Variants in SPAG16 observed in about 807,000 individuals in gnomAD.
SPAG16 encodes the protein sperm associated antigen 16, also known as sperm-associated antigen 16 protein.
A neutral mutation model predicts 80.4 loss-of-function variants in SPAG16; 86 were observed. That is an observed-to-expected ratio of 1.07 (90% CI 0.90 to 1.28). The LOEUF (loss-of-function observed/expected upper bound fraction) is 1.28, where lower values mean the gene tolerates loss of function less well. Among genes scored for constraint, SPAG16 ranks in the 50% most tolerant of loss-of-function variants. The probability of loss-of-function intolerance (pLI) is 0.00; values close to 1 mark genes in which losing one functional copy is unlikely to be tolerated. For missense variants in SPAG16, 870 were observed against 765.3 expected, an observed-to-expected ratio of 1.14 and a Z score of -1.61; for synonymous variants, 294 against 265.9, an observed-to-expected ratio of 1.11 and a Z score of -1.03.
At chr2:214,064,174 C>T (rs1166777797) in intron 13 of SPAG16, among the ~76,000 whole-genome samples, 1 of 151,898 alleles carries the variant, frequency 6.6e-6, no homozygotes, top group African/African-American at 2.4e-5. Flanking sequence ...ATTGAGATGA[C>T]ATATCATGTT....
At chr2:214,176,373 T>C (rs1164616525) in intron 15 of SPAG16, among the ~76,000 whole-genome samples, 1 of 151,286 alleles carries the variant, frequency 6.6e-6, no homozygotes, top group Non-Finnish European at 1.5e-5. Context: ...GATATACCTG[T>C]AGAATATCAT....
At chr2:213,869,287 A>ACACT (rs1553648806) in intron 11 of SPAG16, among the ~76,000 whole-genome samples, 1 of 118,548 alleles carries the variant, frequency 8.4e-6, no homozygotes, top group Non-Finnish European at 1.9e-5. Flanking sequence ...ATATGTATAT[A>ACACT]TATATGTATA....
chr2:214,131,243 C>T (rs960925852), intron 14 of SPAG16, among the ~76,000 whole-genome samples: 1 of 151,896 alleles, frequency 6.6e-6, no homozygotes, highest in Non-Finnish European at 1.5e-5. Context: ...TTGGCATGCA[C>T]CTGTGGTCCT....
At chr2:213,802,637 A>T (rs1395292749) in intron 10 of SPAG16, among the ~76,000 whole-genome samples, 1 of 152,188 alleles carries the variant, frequency 6.6e-6, no homozygotes, top group African/African-American at 2.4e-5. Context: ...GTACCAAATG[A>T]ACCAACATCT....
At chr2:214,050,131 C>T (rs114174725) in intron 13 of SPAG16, among the ~76,000 whole-genome samples, 1 of 151,742 alleles carries the variant, frequency 6.6e-6, no homozygotes, top group East Asian at 1.9e-4. Flanking sequence ...TGGGAAGAGG[C>T]GAGAAGTGAA....
intron 15 of SPAG16, among the ~76,000 whole-genome samples, chr2:214,210,278 CA>C (rs35253771): frequency 0.3 from 45,235 of 151,748 alleles, 8,411 homozygotes; most frequent in Non-Finnish European, 0.41. Flanking sequence ...TCCACTTATA[CA>C]TGGATTTTTT....
chr2:213,543,625 AT>A (rs1029027236), intron 10 of SPAG16, among the ~76,000 whole-genome samples: 10 of 151,816 alleles, frequency 6.6e-5, no homozygotes, highest in Non-Finnish European at 1.5e-5. Flanking sequence ...CATATTGGTA[AT>A]TTTCCGAGAT....
At chr2:213,403,866 A>G (rs557524799) in intron 9 of SPAG16, among the ~76,000 whole-genome samples, 1 of 152,326 alleles carries the variant, frequency 6.6e-6, no homozygotes, top group Admixed American at 6.5e-5. Context: ...AAGTCTCAGG[A>G]TACAAAATCA....
At chr2:214,334,476 T>C (rs1235548730) in intron 15 of SPAG16, among the ~76,000 whole-genome samples, 2 of 152,202 alleles carry the variant, frequency 1.3e-5, no homozygotes, top group Non-Finnish European at 2.9e-5. Context: ...GAATTTGGCA[T>C]AGCAAATTTT....
At chr2:214,218,064 T>C (rs1278010165) in intron 15 of SPAG16, among the ~76,000 whole-genome samples, 1 of 152,228 alleles carries the variant, frequency 6.6e-6, no homozygotes, top group East Asian at 1.9e-4. Context: ...AAATGTTTTA[T>C]GGAAATCTAC....
chr2:214,094,145 A>T (rs1372295426), intron 13 of SPAG16, among the ~76,000 whole-genome samples: 1 of 152,164 alleles, frequency 6.6e-6, no homozygotes. Context: ...TTGAGTTGGT[A>T]GCTTGAAATT....
chr2:213,761,645 A>G (rs1013298643), intron 10 of SPAG16, among the ~76,000 whole-genome samples: 6 of 152,192 alleles, frequency 3.9e-5, no homozygotes, highest in Admixed American at 1.3e-4. Context: ...GTGGATCACG[A>G]GATCAGGAGA....
intron 6 of SPAG16, among the ~76,000 whole-genome samples, chr2:213,348,495 T>C (rs2065129969): frequency 1.3e-5 from 2 of 152,242 alleles, no homozygotes; most frequent in African/African-American, 2.4e-5. Context: ...CAAGTTGGCA[T>C]GTTTTTGCAG....
chr2:213,334,250 A>G (rs971698011), intron 5 of SPAG16, among the ~76,000 whole-genome samples: 1 of 152,206 alleles, frequency 6.6e-6, no homozygotes, highest in Non-Finnish European at 1.5e-5. Flanking sequence ...AGTCAAAACT[A>G]TGATGAGCTG....
chr2:213,729,535 T>G (rs971168530), intron 10 of SPAG16, among the ~76,000 whole-genome samples: 2 of 152,024 alleles, frequency 1.3e-5, no homozygotes, highest in African/African-American at 4.8e-5. Context: ...CATCAAGGAG[T>G]CTTATCAGGT....
chr2:213,982,064 TG>T (rs753745701), intron 12 of SPAG16, among the ~76,000 whole-genome samples: 18 of 151,804 alleles, frequency 1.2e-4, no homozygotes, highest in East Asian at 9.6e-4. Flanking sequence ...ATAGATGAAC[TG>T]TAACAAATAT....
chr2:214,045,071 A>G (rs918062595), intron 13 of SPAG16, among the ~76,000 whole-genome samples: 2 of 152,182 alleles, frequency 1.3e-5, no homozygotes, highest in Admixed American at 6.5e-5. Context: ...GTGGTAAGCG[A>G]GTGCTTATGC....
chr2:214,263,124 T>TTAAC (rs1691299739), intron 15 of SPAG16, among the ~76,000 whole-genome samples: 2 of 152,164 alleles, frequency 1.3e-5, no homozygotes, highest in Admixed American at 6.5e-5. Context: ...TGCTTTACTA[T>TTAAC]TAACTACAGT....
At chr2:213,362,348 C>T (rs2066029420) in intron 7 of SPAG16, among the ~76,000 whole-genome samples, 2 of 152,120 alleles carry the variant, frequency 1.3e-5, no homozygotes, top group African/African-American at 4.8e-5. Flanking sequence ...AGAAGAATCT[C>T]GAGTAATATA....
Sources: gnomAD v4.1 joint callset for allele counts (sites outside exome capture counted in the v4.1 genomes callset) on GRCh38, gnomAD v4.1.1 for gene constraint, MANE v1.5 for transcripts, NCBI Gene and HGNC (gene_info 2026-07-23, HGNC 2026-07-21) for gene names.